TUSC3: variants seen among roughly 807,000 people sequenced by gnomAD.
TUSC3 encodes tumor suppressor candidate 3, also known as dolichyl-diphosphooligosaccharide--protein glycosyltransferase subunit TUSC3.
Under a neutral mutation model 44.8 loss-of-function variants are expected in TUSC3, and 45 were observed. The ratio of observed to expected loss-of-function variants is 1.00; its 90% CI spans 0.79 to 1.29. The LOEUF is 1.29. Among genes scored for constraint, TUSC3 ranks in the 50% most tolerant of loss-of-function variants. The pLI, the probability that TUSC3 is intolerant of heterozygous loss-of-function variation, is 0.00. For synonymous variants in TUSC3, 212 were observed against 152.9 expected, an observed-to-expected ratio of 1.39 and a Z score of -2.85; for missense variants, 519 against 437.9, an observed-to-expected ratio of 1.19 and a Z score of -1.65.
At chr8:15,728,910 T>C (rs1810604046) in intron 6 of TUSC3, among the ~76,000 whole-genome samples, 1 of 151,930 alleles carries the variant, frequency 6.6e-6, no homozygotes, top group Admixed American at 6.6e-5. Context: ...GTGAAGAAAA[T>C]ATTAAAGAGA....
chr8:15,706,754 A>G (rs555163269), intron 6 of TUSC3, among the ~76,000 whole-genome samples: 4 of 152,046 alleles, frequency 2.6e-5, no homozygotes, highest in Admixed American at 2.0e-4. Context: ...TGATTGTGCA[A>G]ATATGATCAC....
intron 1 of TUSC3, among the ~76,000 whole-genome samples, chr8:15,423,405 A>G (rs1799762341): frequency 6.6e-6 from 1 of 152,102 alleles, no homozygotes; most frequent in African/African-American, 2.4e-5. Flanking sequence ...TGTCTCCTAG[A>G]TTTTTCTACC....
chr8:15,787,181 G>C, the TUSC3 span, among the ~76,000 whole-genome samples: 1 of 151,972 alleles, frequency 6.6e-6, no homozygotes, highest in African/African-American at 2.4e-5. Context: ...TCGTTGTGTT[G>C]TTTTGTATAG....
chr8:15,571,065 T>C (rs1209787703), intron 1 of TUSC3, among the ~76,000 whole-genome samples: 2 of 148,558 alleles, frequency 1.3e-5, no homozygotes, highest in East Asian at 4.2e-4. Context: ...CAAGGGATTC[T>C]CCTGCCCCAG....
intron 2 of TUSC3, among the ~76,000 whole-genome samples, chr8:15,493,758 G>A (rs1800842028): frequency 1.3e-5 from 2 of 152,110 alleles, no homozygotes; most frequent in African/African-American, 4.8e-5. Flanking sequence ...CAAAAAGTGA[G>A]CCCCCAAAAT....
At chr8:15,692,259 TA>T (rs930821538) in intron 6 of TUSC3, among the ~76,000 whole-genome samples, 1 of 151,096 alleles carries the variant, frequency 6.6e-6, no homozygotes, top group Non-Finnish European at 1.5e-5. Flanking sequence ...TCCATGTTCA[TA>T]AAAAAATATT....
At chr8:15,445,997 C>CTCACT (rs1158625082) in intron 1 of TUSC3, among the ~76,000 whole-genome samples, 1 of 151,856 alleles carries the variant, frequency 6.6e-6, no homozygotes, top group Non-Finnish European at 1.5e-5. Context: ...GGAGACGCTC[C>CTCACT]TCACTTCCCA....
At chr8:15,787,176 GTGT>G in the TUSC3 span, among the ~76,000 whole-genome samples, 15 of 151,996 alleles carry the variant, frequency 9.9e-5, no homozygotes, top group Admixed American at 8.5e-4. Context: ...TTATTTCGTT[GTGT>G]TGTTTTGTAT....
At chr8:15,604,224 G>A (rs1804424815) in intron 1 of TUSC3, among the ~76,000 whole-genome samples, 1 of 151,586 alleles carries the variant, frequency 6.6e-6, no homozygotes, top group African/African-American at 2.4e-5. Context: ...ACCTGTTTAT[G>A]GGTGCGTCTT....
Position 15,662,284 on chromosome 8 carries a change from C to T in TUSC3, c.696C>T (p.Ala232=), listed in dbSNP as rs1017579365. 1 of 1,612,724 alleles carries T rather than the reference C, an allele frequency of 6.2e-7. No homozygotes were observed. The highest frequency in any genetic ancestry group is 8.5e-7 in the Non-Finnish European group (1 of 1,179,060). The part of the protein sequence containing the change: ...LEFIYNKTGW[A]MVSLCIVFAM... ...TCATCTATAACAAGACTGGTTGGGCCATGGTGTCTCTGGTATGTTAATACA... is the reference window on the plus strand; with the variant it reads ...TCATCTATAACAAGACTGGTTGGGCTATGGTGTCTCTGGTATGTTAATACA... The change falls in exon 5 of 11, where the codon GCC becomes GCT. Residue 232 remains alanine (A), a synonymous_variant. Coordinates refer to ENST00000503731, the MANE Select transcript of TUSC3 (RefSeq NM_006765.4).
intron 6 of TUSC3, among the ~76,000 whole-genome samples, chr8:15,708,418 A>C (rs567763172): frequency 6.6e-6 from 1 of 152,088 alleles, no homozygotes; most frequent in African/African-American, 2.4e-5. Context: ...ATTTTAGAAA[A>C]GTGACACACA....
the TUSC3 span, among the ~76,000 whole-genome samples, chr8:15,849,881 G>A: frequency 5.9e-5 from 9 of 152,202 alleles, no homozygotes; most frequent in Admixed American, 2.0e-4. Context: ...CCAGTGATCC[G>A]GAGCATCACT....
chr8:15,678,694 A>G (rs1808291780), intron 6 of TUSC3, among the ~76,000 whole-genome samples: 1 of 152,166 alleles, frequency 6.6e-6, no homozygotes, highest in Non-Finnish European at 1.5e-5. Context: ...AGGTTGTTAC[A>G]AGAGTATATT....
At chr8:15,423,501 A>AC (rs1370158500) in intron 1 of TUSC3, among the ~76,000 whole-genome samples, 3 of 152,270 alleles carry the variant, frequency 2.0e-5, no homozygotes, top group Non-Finnish European at 2.9e-5. Flanking sequence ...TAAGTTCAAA[A>AC]TTGTATTCTT....
intron 2 of TUSC3, among the ~76,000 whole-genome samples, chr8:15,521,133 C>G (rs1390720854): frequency 6.6e-6 from 1 of 152,148 alleles, no homozygotes; most frequent in Non-Finnish European, 1.5e-5. Context: ...CATGCCACCT[C>G]TCACTTCTAA....
At chr8:15,581,397 C>G (rs1205591928) in intron 1 of TUSC3, among the ~76,000 whole-genome samples, 1,949 of 149,596 alleles carry the variant, frequency 0.013, 88 homozygotes, top group African/African-American at 0.046. Context: ...AGGCGCTCTG[C>G]ATTTTAGAGT....
At chr8:15,501,735 T>C (rs944065983) in intron 2 of TUSC3, among the ~76,000 whole-genome samples, 1 of 152,230 alleles carries the variant, frequency 6.6e-6, no homozygotes, top group African/African-American at 2.4e-5. Flanking sequence ...TAGTGATAGA[T>C]AACACTTACT....
chr8:15,438,941 G>A (rs1465287794), intron 1 of TUSC3, among the ~76,000 whole-genome samples: 1 of 152,308 alleles, frequency 6.6e-6, no homozygotes, highest in Admixed American at 6.5e-5. Context: ...GTCGCAAGGA[G>A]AGGAATCTAC....
At chr8:15,624,564 G>A (rs1436839299) in intron 2 of TUSC3, among the ~76,000 whole-genome samples, 1 of 152,130 alleles carries the variant, frequency 6.6e-6, no homozygotes, top group Non-Finnish European at 1.5e-5. Context: ...GACTAATTGT[G>A]TTGAACATCT....
Sources: allele counts gnomAD v4.1 joint callset (sites outside exome capture counted in the v4.1 genomes callset), GRCh38; gene constraint gnomAD v4.1.1; transcripts MANE v1.5; gene names NCBI Gene and HGNC (gene_info 2026-07-23, HGNC 2026-07-21).